Variants in SNED1 observed in about 807,000 individuals in gnomAD.
The protein encoded by SNED1 is sushi, nidogen and EGF like domains 1, also known as sushi, nidogen and EGF-like domain-containing protein 1.
SNED1 carries 81 observed loss-of-function variants against 166.7 expected under a neutral mutation model. That is an observed-to-expected ratio of 0.49 (90% CI 0.41 to 0.58). The LOEUF is 0.58. Ranked by LOEUF, SNED1 falls within the 20% of genes least tolerant of loss-of-function variation. The pLI is 0.00. For synonymous variants in SNED1, 762 were observed against 822.0 expected, an observed-to-expected ratio of 0.93 and a Z score of 1.25; for missense variants, 1,604 against 2,000.2, an observed-to-expected ratio of 0.80 and a Z score of 3.78.
At chr2:241,070,640 G>A (rs1218654704) in intron 24 of SNED1, among the ~76,000 whole-genome samples, 1 of 152,212 alleles carries the variant, frequency 6.6e-6, no homozygotes, top group African/African-American at 2.4e-5. Flanking sequence ...AGGAATGCTG[G>A]GGAGCAGAGG....
At chr2:241,063,825 C>G (rs745872067) in intron 18 of SNED1, 125 bp downstream of exon 18, 17 of 708,858 alleles carry the variant, frequency 2.4e-5, no homozygotes, top group Non-Finnish European at 3.6e-5. Context: ...CCCAGGGCTG[C>G]GGCCACCTTG....
At chr2:241,019,251 G>A (rs2060694809) in intron 1 of SNED1, among the ~76,000 whole-genome samples, 1 of 152,136 alleles carries the variant, frequency 6.6e-6, no homozygotes, top group African/African-American at 2.4e-5. Flanking sequence ...TGATTCTTGA[G>A]GAGGCTGATC....
rs542193760 is a variant in SNED1, at chr2:241,089,367, TA to T, written c.*1+972del. ...ACAGGTCTATGTTTTGTTACGTGCCTAAAAAAATAAAGGAGAAATGTCATTC... is the reference window on the plus strand; with the variant it reads ...ACAGGTCTATGTTTTGTTACGTGCCTAAAAAATAAAGGAGAAATGTCATTC... On this transcript the variant is annotated intron_variant, in intron 31 of 31. Coordinates refer to ENST00000310397, the MANE Select transcript of SNED1 (RefSeq NM_001080437.3). 1.9e-3 allele frequency: 3,016 copies of T among 1,550,434 alleles called. 43 individuals are homozygous for T. The African/African-American group carries it at 0.034, about 18-fold the overall frequency.
intron 31 of SNED1, chr2:241,088,617 AC>A (rs1459551804): frequency 1.8e-6 from 1 of 566,906 alleles, no homozygotes; most frequent in African/African-American, 1.9e-5. Context: ...ACTGACAAAT[AC>A]ACCTTCAGGT....
chr2:241,072,100 T>C (rs1001528679), intron 26 of SNED1: 1 of 699,664 alleles, frequency 1.4e-6, no homozygotes, highest in Non-Finnish European at 2.6e-6. Flanking sequence ...CTCACGTCAG[T>C]GTGTGGGCTG....
At position 241,034,670 on chromosome 2, in the gene SNED1, G is replaced by A. The variant is rs1167809788; in HGVS notation, c.745G>A (p.Gly249Arg). ...VETTTNVGVP[G>R]RWAFRIDDAQ... is the part of the protein sequence containing the mutation. ...GACCACCACCAACGTGGGTGTGCCC[G>A]GGCGCTGGGCGTTCAGAATCGATGA... Residue 249 changes from glycine to arginine, a missense_variant, in exon 4 of 32, where the codon GGG (glycine) becomes AGG (arginine). Physicochemically the swap from Gly to Arg is moderately radical, Grantham distance 125. Transcript: ENST00000310397. The A allele has an allele frequency of 2.5e-6, 4 of 1,607,088 alleles. No homozygotes were observed. Among genetic ancestry groups the A allele is most frequent in the Non-Finnish European group, 2.5e-6 (3 of 1,177,482 alleles).
At chr2:241,041,688 A>G (rs114600881) in intron 8 of SNED1, among the ~76,000 whole-genome samples, 2,456 of 151,402 alleles carry the variant, frequency 0.016, 56 homozygotes, top group African/African-American at 0.049. Context: ...GACTCTGTCT[A>G]AAAAAAAACA....
Position 241,064,110 on chromosome 2 carries a change from T to G in SNED1, c.2584T>G (p.Tyr862Asp). 1.9e-6 allele frequency: 3 copies of G among 1,561,782 alleles called. No homozygotes were observed. Among genetic ancestry groups the G allele is most frequent in the Non-Finnish European group, 2.6e-6 (3 of 1,154,708 alleles). ...LCVCPESFFG[Y>D]HCETVSDPCF... is the part of the protein sequence containing the mutation. ...CGTCTGCCCAGAGAGCTTCTTCGGC[T>G]ACCACTGCGAGACAGGTAGGGCGGC... The change falls in exon 19 of 32, where the codon TAC (tyrosine) becomes GAC (aspartate). Residue 862 changes from tyrosine to aspartate, a missense_variant. Transcript: ENST00000310397. The surrounding 1 kb of genome is among the most constrained non-coding windows in gnomAD (Gnocchi z 7.0).
chr2:241,048,452 C>A lies in SNED1; in HGVS notation c.1399+12C>A. 6.3e-7 allele frequency: 1 copy of A among 1,583,944 alleles called. No individual in the cohort carries two copies. Among genetic ancestry groups the A allele is most frequent in the Non-Finnish European group, 8.6e-7 (1 of 1,166,672 alleles). On this transcript the variant is annotated intron_variant, in intron 9 of 31. Transcript: ENST00000310397. ...GGACTGCAGGGAGAGTGCGTCTGGGCTGCAAGGGCTGCCGTTTTAGGGCTG... is the reference window on the plus strand; with the variant it reads ...GGACTGCAGGGAGAGTGCGTCTGGGATGCAAGGGCTGCCGTTTTAGGGCTG...
chr2:241,087,330 T>C, intron 29 of SNED1, 62 bp from the exon 30 acceptor site: 1 of 1,506,784 alleles, frequency 6.6e-7, no homozygotes, highest in Non-Finnish European at 9.0e-7. Flanking sequence ...ATAGCCTAGG[T>C]TAAGCAGTTG....
At chr2:241,037,392 G>C (rs990650351) in intron 6 of SNED1, 39 bp downstream of exon 6, 1 of 1,376,570 alleles carries the variant, frequency 7.3e-7, no homozygotes, top group African/African-American at 1.4e-5. Context: ...GCCCTGCTGG[G>C]GGCAGGATAG....
At chr2:241,027,951 T>C (rs1017206011) in intron 1 of SNED1, among the ~76,000 whole-genome samples, 1 of 152,094 alleles carries the variant, frequency 6.6e-6, no homozygotes, top group South Asian at 2.1e-4. Context: ...GCCAGGATGG[T>C]CTTGATCTCC....
At chr2:241,041,204 G>GGCTTATTATTATCAGGCTCAGGATGAAA in intron 8 of SNED1, 1 of 180,060 alleles carries the variant, frequency 5.6e-6, no homozygotes, top group Non-Finnish European at 1.2e-5. Flanking sequence ...AGCGGGAGGA[G>GGCTTATTATTATCAGGCTCAGGATGAAA]GCAGCCTCAC....
chr2:241,079,433 C>T (rs1462090691), intron 27 of SNED1, among the ~76,000 whole-genome samples: 2 of 147,680 alleles, frequency 1.4e-5, no homozygotes, highest in East Asian at 3.9e-4. Flanking sequence ...AAAAAAGTAA[C>T]GTGCAGAACA....
At chr2:241,089,982 G>C (rs1163953621) in intron 31 of SNED1, 2 of 1,548,620 alleles carry the variant, frequency 1.3e-6, no homozygotes, top group African/African-American at 1.4e-5. Flanking sequence ...TGGTATACCT[G>C]GGCAGGGCGC....
At chr2:241,021,127 C>G (rs939215049) in intron 1 of SNED1, among the ~76,000 whole-genome samples, 1 of 152,134 alleles carries the variant, frequency 6.6e-6, no homozygotes, top group African/African-American at 2.4e-5. Context: ...CACAGCTGTC[C>G]GGGACCACAA....
intron 8 of SNED1, chr2:241,041,351 G>A (rs75656912): frequency 0.013 from 2,031 of 158,652 alleles, 48 homozygotes; most frequent in African/African-American, 0.047. Flanking sequence ...CAAATAAACC[G>A]TGTTTTCTAC....
intron 1 of SNED1, among the ~76,000 whole-genome samples, chr2:241,021,131 A>T (rs139231445): frequency 1.4e-4 from 22 of 152,246 alleles, no homozygotes; most frequent in Non-Finnish European, 2.4e-4. Context: ...GCTGTCCGGG[A>T]CCACAAGAGT....
At position 241,053,979 on chromosome 2, in the gene SNED1, A is replaced by G. The variant is rs150693722; in HGVS notation, c.2257+653A>G. ...GCAAGGATTTTAAAACAAGCTTAGG[A>G]ACAGTGGGTGACAGCACCCAGATTT... On this transcript the variant is annotated intron_variant, in intron 16 of 31. Coordinates refer to ENST00000310397, the MANE Select transcript of SNED1 (RefSeq NM_001080437.3). Among the ~76,000 whole-genome samples the G allele has an allele frequency of 5.4e-3, 823 of 152,346 alleles. 6 individuals carry two copies. Among genetic ancestry groups the G allele is most frequent in the African/African-American group, 0.012 (506 of 41,584 alleles).
Sources: gnomAD v4.1 joint callset for allele counts (sites outside exome capture counted in the v4.1 genomes callset) on GRCh38, gnomAD v4.1.1 for gene constraint, Gnocchi (gnomAD v3.1) non-coding constraint, MANE v1.5 for transcripts, NCBI Gene and HGNC (gene_info 2026-07-23, HGNC 2026-07-21) for gene names.